The following DENND5B variants were observed in gnomAD, a reference collection of about 807,000 sequenced individuals.
DENND5B encodes the protein DENN domain containing 5B.
In DENND5B, 34 loss-of-function variants were observed where a neutral mutation model predicts 140.6. The observed-to-expected ratio is 0.24, with a 90% CI of 0.18 to 0.32. The LOEUF (loss-of-function observed/expected upper bound fraction) is 0.32, where lower values mean the gene tolerates loss of function less well. Ranked by LOEUF, DENND5B falls within the 10% of genes least tolerant of loss-of-function variation. The probability of loss-of-function intolerance (pLI) is 1.00; values close to 1 mark genes in which losing one functional copy is unlikely to be tolerated. For synonymous variants in DENND5B, 551 were observed against 562.1 expected, an observed-to-expected ratio of 0.98 and a Z score of 0.28; for missense variants, 1,142 against 1,560.2, an observed-to-expected ratio of 0.73 and a Z score of 4.52.
chr12:31,546,960 T>C (rs935139673), intron 1 of DENND5B, among the ~76,000 whole-genome samples: 4 of 152,252 alleles, frequency 2.6e-5, no homozygotes, highest in Non-Finnish European at 4.4e-5. Flanking sequence ...ATATCTGCTA[T>C]GTTTAACAGA....
chr12:31,501,284 C>T (rs1946991170), intron 1 of DENND5B, among the ~76,000 whole-genome samples: 1 of 152,146 alleles, frequency 6.6e-6, no homozygotes, highest in African/African-American at 2.4e-5. Flanking sequence ...TGCACTTCTC[C>T]TTGCTGCTGC....
Position 31,440,925 on chromosome 12 carries a change from G to A in DENND5B, c.2012+1850C>T, listed in dbSNP as rs9737933. 8.6e-3 allele frequency among the ~76,000 whole-genome samples: 1,316 copies of A among 152,232 alleles called. 21 individuals are homozygous for A. Among genetic ancestry groups the A allele is most frequent in the African/African-American group, 0.03 (1,265 of 41,550 alleles). On this transcript the variant is annotated intron_variant, in intron 7 of 20. Transcript: ENST00000389082. ...TAATTTTTGTATTTTTAGTAGAGAC[G>A]GGGTTTCGCCACATTGGCCAGGCTG...
chr12:31,430,693 T>C (rs563137071), intron 8 of DENND5B, among the ~76,000 whole-genome samples: 1 of 151,912 alleles, frequency 6.6e-6, no homozygotes, highest in South Asian at 2.1e-4. Flanking sequence ...CTGTTTAAAG[T>C]TTATGTCCTG....
At chr12:31,488,105 G>A (rs1482999963) in intron 2 of DENND5B, among the ~76,000 whole-genome samples, 2 of 150,716 alleles carry the variant, frequency 1.3e-5, no homozygotes, top group African/African-American at 4.9e-5. Context: ...ACAAGTGTGT[G>A]CGATTATAGG....
intron 1 of DENND5B, among the ~76,000 whole-genome samples, chr12:31,564,543 C>G (rs1036789117): frequency 6.7e-6 from 1 of 149,248 alleles, no homozygotes; most frequent in Non-Finnish European, 1.5e-5. Flanking sequence ...CTTCCACTAC[C>G]ACCCCTCTCT....
At chr12:31,495,997 T>A in intron 1 of DENND5B, 78 bp from the exon 2 acceptor site, 1 of 944,512 alleles carries the variant, frequency 1.1e-6, no homozygotes, top group Non-Finnish European at 1.6e-6. Flanking sequence ...TTTATAGTCC[T>A]ACTACTGACT....
chr12:31,590,138 C>T (rs1950560406), intron 1 of DENND5B: 1 of 152,310 alleles, frequency 6.6e-6, no homozygotes. Context: ...GCCGGCACCG[C>T]AGAGCGGCAG....
intron 13 of DENND5B, 86 bp from the exon 14 acceptor site, chr12:31,409,470 A>G (rs1363445656): frequency 1.7e-5 from 9 of 541,374 alleles, no homozygotes; most frequent in Non-Finnish European, 2.1e-5. Context: ...ACTTTTCATT[A>G]TGTCTTTTTT....
chr12:31,513,919 C>G (rs1327672245), intron 1 of DENND5B, among the ~76,000 whole-genome samples: 1 of 151,420 alleles, frequency 6.6e-6, no homozygotes. Context: ...TTCATGGTAA[C>G]CTTGAACTCC....
At chr12:31,439,551 G>A (rs966231612) in intron 7 of DENND5B, among the ~76,000 whole-genome samples, 2 of 151,296 alleles carry the variant, frequency 1.3e-5, no homozygotes, top group Non-Finnish European at 2.9e-5. Context: ...TAATAAACTC[G>A]TGGTGACTAG....
intron 19 of DENND5B, 84 bp from the exon 20 acceptor site, chr12:31,389,582 A>G: frequency 7.5e-7 from 1 of 1,336,922 alleles, no homozygotes; most frequent in Non-Finnish European, 1.0e-6. Context: ...TATTATGGAA[A>G]CACTAACGAT....
intron 1 of DENND5B, among the ~76,000 whole-genome samples, chr12:31,546,270 C>T (rs1350983369): frequency 6.6e-6 from 1 of 152,016 alleles, no homozygotes; most frequent in East Asian, 1.9e-4. Flanking sequence ...AGCACGGTGT[C>T]GTTCTATAAC....
intron 17 of DENND5B, 143 bp downstream of exon 17, chr12:31,398,032 G>A: frequency 1.2e-6 from 1 of 838,142 alleles, no homozygotes; most frequent in Non-Finnish European, 1.7e-6. Context: ...AACTCTTCCG[G>A]CTTTTGAATA....
intron 18 of DENND5B, 37 bp from the exon 19 acceptor site, chr12:31,392,430 C>A: frequency 6.2e-7 from 1 of 1,607,572 alleles, no homozygotes; most frequent in South Asian, 1.1e-5. Context: ...AGAAAAATCT[C>A]CTGCATCTAT....
chr12:31,398,407 A>G (rs1941601831), intron 16 of DENND5B, 45 bp from the exon 17 acceptor site: 2 of 1,505,286 alleles, frequency 1.3e-6, no homozygotes, highest in Admixed American at 4.8e-5. Flanking sequence ...TTTTTTTGAG[A>G]CAGGGTTCCC....
rs747314865 is a variant in DENND5B at position 31,413,569 on chromosome 12, A to T, written c.2553-5T>A. ...TCACTCATGTTTTGAATATGCCTAA[A>T]GAATAGTGGCAACAGCAAAGATGTA... On this transcript the variant is annotated splice_region_variant and splice_polypyrimidine_tract_variant and intron_variant, in intron 12 of 20. Transcript: ENST00000389082. The T allele has an allele frequency of 1.6e-5, 25 of 1,607,672 alleles. No homozygotes were observed. In the East Asian group the frequency reaches 5.6e-4, roughly 36 times the overall value.
intron 4 of DENND5B, among the ~76,000 whole-genome samples, chr12:31,453,966 ACT>A (rs1052459083): frequency 5.3e-5 from 8 of 151,852 alleles, no homozygotes; most frequent in East Asian, 1.9e-4. Context: ...ACATGGTGAA[ACT>A]CTGTCTCTAC....
intron 14 of DENND5B, among the ~76,000 whole-genome samples, chr12:31,404,794 T>C (rs1038010644): frequency 3.8e-5 from 5 of 133,314 alleles, no homozygotes; most frequent in African/African-American, 1.4e-4. Flanking sequence ...AGTTTTGCTC[T>C]TGTGGCCCAG....
chr12:31,440,676 T>C (rs1943991322), intron 7 of DENND5B, among the ~76,000 whole-genome samples: 1 of 152,194 alleles, frequency 6.6e-6, no homozygotes, highest in East Asian at 1.9e-4. Context: ...TTTGTTTTTT[T>C]GAAAGAGGGT....
Sources: allele counts gnomAD v4.1 joint callset (sites outside exome capture counted in the v4.1 genomes callset), GRCh38; gene constraint gnomAD v4.1.1; transcripts MANE v1.5; gene names NCBI Gene and HGNC (gene_info 2026-07-23, HGNC 2026-07-21).